The following GFM2 variants were observed in gnomAD, a reference collection of about 807,000 sequenced individuals.
The protein encoded by GFM2 is ribosome-releasing factor 2, mitochondrial.
A neutral mutation model predicts 95.4 loss-of-function variants in GFM2; 72 were observed. That is an observed-to-expected ratio of 0.76 (90% CI 0.62 to 0.92). GFM2 has a LOEUF of 0.92. Ranked by LOEUF, GFM2 falls within the 40% of genes least tolerant of loss-of-function variation. The probability of loss-of-function intolerance (pLI) is 0.00; values close to 1 mark genes in which losing one functional copy is unlikely to be tolerated. For synonymous variants in GFM2, 276 were observed against 317.5 expected, an observed-to-expected ratio of 0.87 and a Z score of 1.39; for missense variants, 825 against 924.1, an observed-to-expected ratio of 0.89 and a Z score of 1.39.
chr5:74,756,015 T>C (rs955129724), intron 5 of GFM2, among the ~76,000 whole-genome samples: 8 of 152,154 alleles, frequency 5.3e-5, no homozygotes, highest in African/African-American at 1.4e-4. Flanking sequence ...TCCACCATGA[T>C]CAAGTAGGTT....
intron 3 of GFM2, among the ~76,000 whole-genome samples, chr5:74,759,724 G>A (rs1360319661): frequency 6.6e-6 from 1 of 152,016 alleles, no homozygotes; most frequent in Non-Finnish European, 1.5e-5. Context: ...CAAAATTGTA[G>A]AACTAGAATA....
chr5:74,728,044 T>TA (rs1357447338), intron 17 of GFM2, among the ~76,000 whole-genome samples: 1 of 152,192 alleles, frequency 6.6e-6, no homozygotes, highest in Non-Finnish European at 1.5e-5. Context: ...GCCATCATTC[T>TA]ACTCTTCTAC....
Position 74,721,531 on chromosome 5 carries a change from ATCTAGTTCTCT to A in GFM2, c.*113_*123del, listed in dbSNP as rs1749878191. The A allele has an allele frequency of 9.4e-7, 1 of 1,058,686 alleles. No homozygotes were observed. The highest frequency in any genetic ancestry group is 1.4e-6 in the Non-Finnish European group (1 of 701,836). The allele number at this position is 1,058,686 out of a possible 1,614,324, so 65.6% of individuals were successfully genotyped here. A position where few individuals can be genotyped will look rare whatever the true frequency, so the allele number is the denominator to read the frequency against. On this transcript the variant is annotated 3_prime_UTR_variant, in exon 21 of 21. Coordinates refer to ENST00000296805, the MANE Select transcript of GFM2 (RefSeq NM_032380.5). ...TATCAAAGCTTAAGTTATATCTTTTATCTAGTTCTCTGAATGTACTGAAACAGTACTTTATT... is the reference window on the plus strand; with the variant it reads ...TATCAAAGCTTAAGTTATATCTTTTAGAATGTACTGAAACAGTACTTTATT...
intron 16 of GFM2, among the ~76,000 whole-genome samples, chr5:74,731,255 A>G (rs997633300): frequency 1.2e-4 from 19 of 152,256 alleles, no homozygotes; most frequent in African/African-American, 4.6e-4. Context: ...GGCACTTTAC[A>G]GCTTTGTAAG....
intron 11 of GFM2, among the ~76,000 whole-genome samples, chr5:74,740,461 G>C (rs1007762673): frequency 6.6e-6 from 1 of 152,118 alleles, no homozygotes. Context: ...ATTTAACCTT[G>C]ATAGTCTAAC....
chr5:74,751,772 T>C (rs372910222), intron 5 of GFM2, among the ~76,000 whole-genome samples: 8 of 152,314 alleles, frequency 5.3e-5, no homozygotes, highest in African/African-American at 1.2e-4. Context: ...ATTTCTTACA[T>C]AGCTTAACTA....
At chr5:74,744,786 C>G (rs1053924548) in intron 10 of GFM2, among the ~76,000 whole-genome samples, 2 of 152,096 alleles carry the variant, frequency 1.3e-5, no homozygotes, top group Non-Finnish European at 1.5e-5. Context: ...TGTTCATAGC[C>G]ACATTGTTTG....
intron 10 of GFM2, among the ~76,000 whole-genome samples, chr5:74,742,644 T>C (rs947759423): frequency 1.3e-5 from 2 of 151,840 alleles, no homozygotes; most frequent in South Asian, 2.1e-4. Context: ...TCGCAAAATA[T>C]ACACAACATA....
chr5:74,722,606 CTT>C (rs1216562402), intron 19 of GFM2, 45 bp from the exon 20 acceptor site: 1 of 1,510,606 alleles, frequency 6.6e-7, no homozygotes, highest in Admixed American at 2.0e-5. Context: ...TAAATAAAAA[CTT>C]AAAATAAATA....
chr5:74,730,400 T>C lies in GFM2; in HGVS notation c.1588-2A>G, dbSNP rs779299760. 3 of 1,570,522 alleles carry C rather than the reference T, an allele frequency of 1.9e-6. No individual in the cohort carries two copies. Among genetic ancestry groups the C allele is most frequent in the Admixed American group, 4.0e-5 (2 of 50,164 alleles). The stretch of plus-strand genomic sequence containing the variant: ...CTCCCCCATACCACACAGAACAGTC[T>C]GGTTACCAGAGGAATGAAATAAAAG... On this transcript the variant is annotated splice_acceptor_variant, in intron 16 of 20. Coordinates refer to ENST00000296805, the MANE Select transcript of GFM2 (RefSeq NM_032380.5). LOFTEE classifies it high-confidence loss of function.
At chr5:74,721,815 T>A in intron 20 of GFM2, 32 bp from the exon 21 acceptor site, 4 of 1,578,750 alleles carry the variant, frequency 2.5e-6, no homozygotes, top group Non-Finnish European at 3.4e-6. Context: ...ATTTATATTA[T>A]CAAATTTAAG....
intron 10 of GFM2, among the ~76,000 whole-genome samples, chr5:74,742,880 G>A (rs539542769): frequency 6.6e-5 from 10 of 151,972 alleles, no homozygotes; most frequent in Admixed American, 3.9e-4. Context: ...TGTTGGTCAC[G>A]CTGGTCTCAA....
chr5:74,750,776 T>TACAC, intron 6 of GFM2, 109 bp from the exon 7 acceptor site: 6 of 709,680 alleles, frequency 8.5e-6, no homozygotes, highest in Non-Finnish European at 1.5e-5. Context: ...TATATATGTG[T>TACAC]ATATATATAA....
rs1212072353 is a variant in GFM2, at chr5:74,747,768, TGA to T, written c.530_531del (p.Leu177HisfsTer7). ...DASAGVEAQTLTVWRQADKHN... is the reference protein window; with the variant it reads ...DASAGVEAQTXTVWRQADKHN... ...TGTTTATCAGCTTGCCTCCATACTG[TGA>T]GAGTCTGGGCCTAAAGCAAAGATGA... On this transcript the variant is annotated frameshift_variant, in exon 8 of 21. Coordinates refer to ENST00000296805, the MANE Select transcript of GFM2 (RefSeq NM_032380.5). LOFTEE classifies it high-confidence loss of function. The T allele has an allele frequency of 6.2e-7, 1 of 1,606,658 alleles. No individual in the cohort carries two copies. Among genetic ancestry groups the T allele is most frequent in the South Asian group, 1.1e-5 (1 of 90,478 alleles).
chr5:74,734,150 G>T lies in GFM2; in HGVS notation c.1511-1052C>A, dbSNP rs970607229. 2.6e-5 allele frequency among the ~76,000 whole-genome samples: 4 copies of T among 151,928 alleles called. No individual in the cohort carries two copies. The East Asian group carries it at 7.7e-4, about 29-fold the overall frequency. On this transcript the variant is annotated intron_variant, in intron 15 of 20. Transcript: ENST00000296805. ...AAATGGTAACCACAGCCATTTGGGG[G>T]TATTAATGTTATGAACTGCCAGATG...
At position 74,740,221 on chromosome 5, in the gene GFM2, G is replaced by A. The variant is rs924567022; in HGVS notation, c.931-84C>T. ...CAAAATTAGAGGTTTTCTCTAACCA[G>A]CCATGTAACCAGCACTCCTCATCAC... On this transcript the variant is annotated intron_variant, in intron 11 of 20. Coordinates refer to ENST00000296805, the MANE Select transcript of GFM2 (RefSeq NM_032380.5). The A allele has an allele frequency of 6.0e-6, 7 of 1,160,008 alleles. No homozygotes were observed. In the African/African-American group the frequency reaches 6.4e-5, roughly 11 times the overall value. The allele number at this position is 1,160,008 out of a possible 1,614,324, so 71.9% of individuals were successfully genotyped here. A position where few individuals can be genotyped will look rare whatever the true frequency, so the allele number is the denominator to read the frequency against.
intron 8 of GFM2, 64 bp from the exon 9 acceptor site, chr5:74,746,229 G>A: frequency 2.2e-6 from 2 of 896,374 alleles, no homozygotes; most frequent in African/African-American, 1.7e-5. Context: ...AAGGTATCAA[G>A]AGAGGAAAAA....
At chr5:74,747,455 T>C (rs979438459) in intron 8 of GFM2, among the ~76,000 whole-genome samples, 1 of 152,208 alleles carries the variant, frequency 6.6e-6, no homozygotes, top group African/African-American at 2.4e-5. Context: ...ATTCAGTCTC[T>C]CTATACTAGA....
At chr5:74,736,234 T>C (rs1053806178) in intron 15 of GFM2, 7 of 391,786 alleles carry the variant, frequency 1.8e-5, no homozygotes, top group African/African-American at 1.3e-4. Context: ...CCAAATCTAA[T>C]TGGAAATTAT....
Sources: gnomAD v4.1 joint callset for allele counts (sites outside exome capture counted in the v4.1 genomes callset) on GRCh38, gnomAD v4.1.1 for gene constraint, MANE v1.5 for transcripts, NCBI Gene and HGNC (gene_info 2026-07-23, HGNC 2026-07-21) for gene names.